PCDH15: variants seen among roughly 807,000 people sequenced by gnomAD.
PCDH15 encodes the protein protocadherin related 15, also known as protocadherin-15.
PCDH15 carries 129 observed loss-of-function variants against 178.5 expected under a neutral mutation model. That is an observed-to-expected ratio of 0.72 (90% CI 0.63 to 0.84). PCDH15 has a LOEUF of 0.84. PCDH15 is among the 40% of genes least tolerant of loss of function. The probability of loss-of-function intolerance (pLI) is 0.00; values close to 1 mark genes in which losing one functional copy is unlikely to be tolerated. For synonymous variants in PCDH15, 800 were observed against 732.0 expected (o/e 1.09, Z -1.50); for missense variants, 2,230 against 2,099.9 (o/e 1.06, Z -1.21).
At chr10:54,143,713 G>T (rs932483383) in intron 14 of PCDH15, among the ~76,000 whole-genome samples, 3 of 152,014 alleles carry the variant, frequency 2.0e-5, no homozygotes, top group African/African-American at 7.2e-5. Context: ...TAATTTTTTA[G>T]ATCTACTTAT....
At chr10:55,549,886 T>C (rs559706543) in intron 2 of PCDH15, among the ~76,000 whole-genome samples, 1 of 151,864 alleles carries the variant, frequency 6.6e-6, no homozygotes, top group South Asian at 2.1e-4. Flanking sequence ...GGGGAGATAG[T>C]GGGAAATCCT....
At chr10:55,132,994 A>G (rs1838094649) in intron 2 of PCDH15, among the ~76,000 whole-genome samples, 1 of 152,230 alleles carries the variant, frequency 6.6e-6, no homozygotes, top group Non-Finnish European at 1.5e-5. Context: ...TGGTGAAAAA[A>G]TAAACTGTAA....
chr10:54,985,931 G>A (rs539626962), intron 2 of PCDH15, among the ~76,000 whole-genome samples: 1 of 152,286 alleles, frequency 6.6e-6, no homozygotes, highest in South Asian at 2.1e-4. Context: ...GACACTAGGT[G>A]GCGTTAGGCC....
chr10:55,385,770 C>CGTATATAGATATGCATATCTCT (rs1391529867), intron 2 of PCDH15, among the ~76,000 whole-genome samples: 1 of 136,864 alleles, frequency 7.3e-6, no homozygotes, highest in South Asian at 2.2e-4. Context: ...TAGATATATA[C>CGTATATAGATATGCATATCTCT]GTATATAGAT....
chr10:54,558,139 T>C (rs904019173), intron 2 of PCDH15, among the ~76,000 whole-genome samples: 12 of 152,086 alleles, frequency 7.9e-5, no homozygotes, highest in African/African-American at 2.7e-4. Context: ...TTGATTTTGA[T>C]TGATTATTTG....
chr10:54,181,841 C>A (rs2048011826), intron 13 of PCDH15, among the ~76,000 whole-genome samples: 1 of 152,136 alleles, frequency 6.6e-6, no homozygotes, highest in South Asian at 2.1e-4. Flanking sequence ...TTCCCAGTCC[C>A]CAGGCTATCA....
chr10:55,313,341 G>A (rs1263826288), intron 1 of PCDH15, among the ~76,000 whole-genome samples: 2 of 152,098 alleles, frequency 1.3e-5, no homozygotes, highest in Non-Finnish European at 2.9e-5. Flanking sequence ...CTTGAGAAAT[G>A]GGGAATTAAC....
intron 3 of PCDH15, among the ~76,000 whole-genome samples, chr10:54,482,210 T>G (rs970846988): frequency 5.9e-5 from 9 of 151,930 alleles, no homozygotes; most frequent in Non-Finnish European, 8.8e-5. Flanking sequence ...ATGTTTGGAA[T>G]TTTTGGTTGG....
At chr10:54,637,405 C>G (rs1228108821) in intron 2 of PCDH15, among the ~76,000 whole-genome samples, 5 of 152,062 alleles carry the variant, frequency 3.3e-5, no homozygotes, top group African/African-American at 1.2e-4. Flanking sequence ...GACTATATCC[C>G]TTCTGTAGGT....
chr10:55,560,349 A>T (rs140500336), intron 2 of PCDH15, among the ~76,000 whole-genome samples: 18 of 151,996 alleles, frequency 1.2e-4, no homozygotes, highest in Non-Finnish European at 2.2e-4. Flanking sequence ...TGGACTTATC[A>T]CACCCAATAA....
At chr10:54,425,447 G>A (rs138589671) in intron 3 of PCDH15, among the ~76,000 whole-genome samples, 51 of 152,048 alleles carry the variant, frequency 3.4e-4, no homozygotes, top group Non-Finnish European at 6.2e-4. Context: ...ATGCCCCATC[G>A]ACCTTGGATT....
At chr10:55,307,918 GCT>G (rs893614671) in intron 1 of PCDH15, among the ~76,000 whole-genome samples, 1 of 151,814 alleles carries the variant, frequency 6.6e-6, no homozygotes, top group Non-Finnish European at 1.5e-5. Flanking sequence ...TTTATAATTT[GCT>G]CTTTTTGAAT....
At chr10:54,444,531 G>A (rs7476422) in intron 3 of PCDH15, among the ~76,000 whole-genome samples, 2 of 151,572 alleles carry the variant, frequency 1.3e-5, no homozygotes, top group East Asian at 1.9e-4. Flanking sequence ...AAATTGCATC[G>A]CACTGTACAC....
intron 21 of PCDH15, among the ~76,000 whole-genome samples, chr10:53,973,148 G>A (rs887079346): frequency 6.6e-6 from 1 of 151,992 alleles, no homozygotes; most frequent in African/African-American, 2.4e-5. Context: ...GTAGGGACAT[G>A]GATGAAGCTG....
At chr10:55,130,919 T>C (rs1838024812) in intron 2 of PCDH15, among the ~76,000 whole-genome samples, 1 of 152,068 alleles carries the variant, frequency 6.6e-6, no homozygotes. Flanking sequence ...TAAGTAAATA[T>C]TTTATATGGA....
At chr10:54,796,687 C>T (rs79502621) in intron 1 of PCDH15, among the ~76,000 whole-genome samples, 5,987 of 151,730 alleles carry the variant, frequency 0.039, 347 homozygotes, top group African/African-American at 0.13. Flanking sequence ...ATGTTTTTCC[C>T]TGTGAGTCTC....
chr10:55,246,123 T>G (rs972286928), intron 1 of PCDH15, among the ~76,000 whole-genome samples: 3 of 152,232 alleles, frequency 2.0e-5, no homozygotes, highest in Admixed American at 2.0e-4. Flanking sequence ...AGCCAGTAGC[T>G]ATTCATGGTG....
chr10:54,495,672 T>A (rs2080043146), intron 3 of PCDH15, among the ~76,000 whole-genome samples: 1 of 152,146 alleles, frequency 6.6e-6, no homozygotes. Context: ...AACTTTGTAA[T>A]CACCTTTGGA....
intron 2 of PCDH15, among the ~76,000 whole-genome samples, chr10:55,395,196 TGAGAGAGAGAGAGA>T (rs55765914): frequency 1.1e-3 from 140 of 126,636 alleles, no homozygotes; most frequent in South Asian, 2.1e-3. Context: ...TGTGTGTGTG[TGAGAGAGAGAGAGA>T]GAGAGAGAGA....
Sources: allele counts gnomAD v4.1 joint callset (sites outside exome capture counted in the v4.1 genomes callset), GRCh38; gene constraint gnomAD v4.1.1; transcripts MANE v1.5; gene names NCBI Gene and HGNC (gene_info 2026-07-23, HGNC 2026-07-21).